Variants in GNAL observed in about 807,000 individuals in gnomAD.
GNAL encodes the protein G protein subunit alpha L, also known as guanine nucleotide-binding protein G(olf) subunit alpha.
A neutral mutation model predicts 55.1 loss-of-function variants in GNAL; 18 were observed. The observed-to-expected ratio is 0.33, with a 90% CI of 0.23 to 0.48. The LOEUF (loss-of-function observed/expected upper bound fraction) is 0.48, where lower values mean the gene tolerates loss of function less well. Among genes scored for constraint, GNAL ranks in the 20% least tolerant of loss-of-function variants. The probability of loss-of-function intolerance (pLI) is 0.99; values close to 1 mark genes in which losing one functional copy is unlikely to be tolerated. For synonymous variants in GNAL, 253 were observed against 237.0 expected (o/e 1.07, Z -0.62); for missense variants, 412 against 614.1 (o/e 0.67, Z 3.48).
chr18:11,853,580 AC>A, intron 5 of GNAL: 1 of 167,168 alleles, frequency 6.0e-6, no homozygotes. Context: ...TTCATAACCA[AC>A]TATTCACTAT....
At chr18:11,824,197 C>T (rs933210150) in intron 4 of GNAL, among the ~76,000 whole-genome samples, 4 of 149,086 alleles carry the variant, frequency 2.7e-5, no homozygotes, top group Non-Finnish European at 4.4e-5. Flanking sequence ...ACATAGAAAA[C>T]GTAAAAGACA....
In GNAL at chr18:11,752,939, G is replaced by C; in HGVS notation, c.449+14G>C. ...GTTTAATCCCGAGTAAGAATGTTCA[G>C]TTTGCTTCCAAACTGCATGCAAACT... On this transcript the variant is annotated intron_variant, in intron 2 of 11. Transcript: ENST00000334049. The surrounding 1 kb of genome is among the most constrained non-coding windows in gnomAD (Gnocchi z 4.5). 6.5e-7 allele frequency: 1 copy of C among 1,538,978 alleles called. No homozygotes were observed. Among genetic ancestry groups the C allele is most frequent in the Non-Finnish European group, 9.0e-7 (1 of 1,112,794 alleles).
At chr18:11,866,249 A>ATC (rs2036259979) in intron 7 of GNAL, among the ~76,000 whole-genome samples, 1 of 150,298 alleles carries the variant, frequency 6.7e-6, no homozygotes, top group Non-Finnish European at 1.5e-5. Flanking sequence ...ATCCATTTTC[A>ATC]TCAAGTATCT....
chr18:11,730,973 T>C (rs957152850), intron 1 of GNAL, among the ~76,000 whole-genome samples: 2 of 152,220 alleles, frequency 1.3e-5, no homozygotes, highest in Non-Finnish European at 2.9e-5. Flanking sequence ...TTGCCTAGCA[T>C]GGCCTTGGGT....
chr18:11,842,940 G>A (rs1265509247), intron 5 of GNAL, among the ~76,000 whole-genome samples: 1 of 152,206 alleles, frequency 6.6e-6, no homozygotes, highest in Non-Finnish European at 1.5e-5. Flanking sequence ...ACTTTAGGGT[G>A]TTGACTGTTT....
chr18:11,816,898 C>G (rs2034972293), intron 4 of GNAL, among the ~76,000 whole-genome samples: 1 of 150,998 alleles, frequency 6.6e-6, no homozygotes, highest in South Asian at 2.1e-4. Flanking sequence ...TGAAAGAAGC[C>G]AGTCAGAAAA....
intron 4 of GNAL, among the ~76,000 whole-genome samples, chr18:11,775,481 G>C (rs933015420): frequency 5.3e-5 from 8 of 152,244 alleles, no homozygotes; most frequent in Admixed American, 1.3e-4. Context: ...TACGTGGCCC[G>C]TGTCACACAG....
Position 11,884,447 on chromosome 18 carries a change from A to G in GNAL, c.*3312A>G. 6.2e-7 allele frequency: 1 copy of G among 1,613,300 alleles called. No individual in the cohort carries two copies. Among genetic ancestry groups the G allele is most frequent in the Non-Finnish European group, 8.5e-7 (1 of 1,179,464 alleles). On this transcript the variant is annotated 3_prime_UTR_variant, in exon 12 of 12. Transcript: ENST00000334049. ...ATATTTATAATGGCGCCTGCTCTTC[A>G]TCTTGTCTTACGCTTTCCGAGCAAG...
intron 5 of GNAL, among the ~76,000 whole-genome samples, chr18:11,854,670 A>G (rs2035962235): frequency 6.6e-6 from 1 of 152,006 alleles, no homozygotes; most frequent in Non-Finnish European, 1.5e-5. Context: ...AATCTCAGCT[A>G]CTCAGGAGGC....
chr18:11,774,925 C>G (rs1300889459), intron 4 of GNAL, among the ~76,000 whole-genome samples: 1 of 152,176 alleles, frequency 6.6e-6, no homozygotes, highest in African/African-American at 2.4e-5. Context: ...GCCTGTAGCT[C>G]ACTACATGAG....
chr18:11,865,012 T>C (rs1174496517), intron 7 of GNAL, among the ~76,000 whole-genome samples: 2 of 152,150 alleles, frequency 1.3e-5, no homozygotes, highest in East Asian at 3.9e-4. Context: ...TTTTGCTCCC[T>C]CATGATAAGA....
chr18:11,793,609 G>A (rs535843951), intron 4 of GNAL, among the ~76,000 whole-genome samples: 4 of 151,750 alleles, frequency 2.6e-5, no homozygotes, highest in Non-Finnish European at 4.4e-5. Flanking sequence ...ACAACTCAAC[G>A]ACAAAAAGAC....
intron 1 of GNAL, among the ~76,000 whole-genome samples, chr18:11,693,484 A>G (rs1474452267): frequency 6.6e-6 from 1 of 152,220 alleles, no homozygotes; most frequent in East Asian, 1.9e-4. Context: ...TTTTATATAG[A>G]TTTGAGTTAA....
intron 1 of GNAL, among the ~76,000 whole-genome samples, chr18:11,696,776 A>G (rs1459544884): frequency 6.6e-6 from 1 of 152,226 alleles, no homozygotes; most frequent in African/African-American, 2.4e-5. Context: ...TCTCGTGTTT[A>G]TTCACATGAT....
rs1204737595 is a variant in GNAL, at chr18:11,690,000, CGGCGGGCACCGGGGAGCGGT to C, written c.376+81_376+100del. 4.1e-3 allele frequency: 4,158 copies of C among 1,011,678 alleles called. 120 individuals carry two copies. In the African/African-American group the frequency reaches 0.049, roughly 12 times the overall value. 62.7% of individuals were successfully genotyped at this position (1,011,678 alleles called of 1,614,324 possible). A position where few individuals can be genotyped will look rare whatever the true frequency, so the allele number is the denominator to read the frequency against. Reference sequence around the variant, plus strand: ...GGACAGCGCGCCGGGCCCGCGGGGGCGGCGGGCACCGGGGAGCGGTGGCGGGCACCGGGGAGCGGCGGCGG... The same window carrying C: ...GGACAGCGCGCCGGGCCCGCGGGGGCGGCGGGCACCGGGGAGCGGCGGCGG... On this transcript the variant is annotated intron_variant, in intron 1 of 11. Transcript: ENST00000334049.
chr18:11,866,585 C>G (rs1057489394), intron 7 of GNAL, among the ~76,000 whole-genome samples: 1 of 150,448 alleles, frequency 6.6e-6, no homozygotes, highest in Admixed American at 6.6e-5. Context: ...CTTGGCTGAG[C>G]GAGACCGGGA....
chr18:11,715,662 G>T (rs2031946215), intron 1 of GNAL, among the ~76,000 whole-genome samples: 1 of 151,926 alleles, frequency 6.6e-6, no homozygotes, highest in Non-Finnish European at 1.5e-5. Flanking sequence ...ATGCCCTGAG[G>T]TTTGCATGAA....
At chr18:11,804,881 C>T (rs1232365908) in intron 4 of GNAL, among the ~76,000 whole-genome samples, 31 of 132,286 alleles carry the variant, frequency 2.3e-4, no homozygotes, top group South Asian at 7.6e-4. Context: ...GGGTGGAACA[C>T]GGAGATACTG....
rs2143962319 is a variant in GNAL at position 11,882,599 on chromosome 18, T to G, written c.*1464T>G. On this transcript the variant is annotated 3_prime_UTR_variant, in exon 12 of 12. Transcript: ENST00000334049. Reference sequence around the variant, plus strand: ...TACTCGAGAGGCTGAGGCAGGAGAATCTCTTGAACCTGGGAGGTGGAGATT... The same window carrying G: ...TACTCGAGAGGCTGAGGCAGGAGAAGCTCTTGAACCTGGGAGGTGGAGATT... 6.7e-6 allele frequency: 1 copy of G among 148,706 alleles called. No homozygotes were observed. The highest frequency in any genetic ancestry group is 2.0e-4 in the East Asian group (1 of 5,046). 9.2% of individuals were successfully genotyped at this position (148,706 alleles called of 1,614,324 possible).
Sources: gnomAD v4.1 joint callset for allele counts (sites outside exome capture counted in the v4.1 genomes callset) on GRCh38, gnomAD v4.1.1 for gene constraint, Gnocchi (gnomAD v3.1) non-coding constraint, MANE v1.5 for transcripts, NCBI Gene and HGNC (gene_info 2026-07-23, HGNC 2026-07-21) for gene names.